Variants in ARHGAP42 observed in about 807,000 individuals in gnomAD.
ARHGAP42 encodes the protein Rho GTPase activating protein 42.
ARHGAP42 carries 63 observed loss-of-function variants against 125.0 expected under a neutral mutation model. That is an observed-to-expected ratio of 0.50 (90% confidence interval 0.41 to 0.62). The LOEUF (loss-of-function observed/expected upper bound fraction) is 0.62. Ranked by LOEUF, ARHGAP42 falls within the 20% of genes least tolerant of loss-of-function variation. The pLI is 0.00. For missense variants in ARHGAP42, 766 were observed against 1,024.2 expected, an observed-to-expected ratio of 0.75 and a Z score of 3.44; for synonymous variants, 339 against 351.0, an observed-to-expected ratio of 0.97 and a Z score of 0.38.
chr11:100,828,392 T>C (rs939186300), intron 3 of ARHGAP42, among the ~76,000 whole-genome samples: 1 of 152,182 alleles, frequency 6.6e-6, no homozygotes, highest in Non-Finnish European at 1.5e-5. Flanking sequence ...ATACATGCTG[T>C]GCTCACCCCT....
At chr11:100,842,395 A>G (rs1010904921) in intron 3 of ARHGAP42, among the ~76,000 whole-genome samples, 3 of 152,148 alleles carry the variant, frequency 2.0e-5, no homozygotes, top group African/African-American at 7.2e-5. Context: ...CACCAGTCCA[A>G]TTACTTCTCT....
chr11:100,962,326 C>G, intron 15 of ARHGAP42, 83 bp from the exon 16 acceptor site: 1 of 1,071,940 alleles, frequency 9.3e-7, no homozygotes. Context: ...TAACAGTCAC[C>G]TAATTCTTAA....
chr11:100,786,702 T>G (rs527545602), intron 2 of ARHGAP42, among the ~76,000 whole-genome samples: 1 of 152,328 alleles, frequency 6.6e-6, no homozygotes, highest in South Asian at 2.1e-4. Flanking sequence ...ACTGTGACTT[T>G]CACCCTGGAG....
At chr11:100,738,247 C>G (rs1361831507) in intron 1 of ARHGAP42, among the ~76,000 whole-genome samples, 2 of 152,148 alleles carry the variant, frequency 1.3e-5, no homozygotes, top group Non-Finnish European at 2.9e-5. Context: ...TATGTTTTCT[C>G]TCTTCATCTT....
chr11:100,697,709 C>G (rs1034084723), intron 1 of ARHGAP42, among the ~76,000 whole-genome samples: 2 of 152,150 alleles, frequency 1.3e-5, no homozygotes, highest in Non-Finnish European at 2.9e-5. Flanking sequence ...AGTGATAAGG[C>G]ACTAATAGAA....
At chr11:100,813,191 T>C (rs926431294) in intron 3 of ARHGAP42, among the ~76,000 whole-genome samples, 1 of 152,174 alleles carries the variant, frequency 6.6e-6, no homozygotes, top group Non-Finnish European at 1.5e-5. Context: ...GCACTGTTGA[T>C]ATTTTGGAAC....
intron 1 of ARHGAP42, among the ~76,000 whole-genome samples, chr11:100,750,444 G>A (rs1172911991): frequency 6.7e-6 from 1 of 149,962 alleles, no homozygotes; most frequent in Non-Finnish European, 1.5e-5. Context: ...GCAGGAAATC[G>A]GAATGAGTCA....
At chr11:100,693,856 G>C (rs1389527804) in intron 1 of ARHGAP42, among the ~76,000 whole-genome samples, 1 of 152,014 alleles carries the variant, frequency 6.6e-6, no homozygotes, top group Non-Finnish European at 1.5e-5. Context: ...AGTGCTGATT[G>C]TGTTAATGAT....
In ARHGAP42 at chr11:100,875,101, CTCTCTCTGTGTGTGTGTG is replaced by C. The variant is rs1407972324; in HGVS notation, c.384+15478_384+15495del. ...TCTCTCTCTCTCTCTCTCTCTCTCT[CTCTCTCTGTGTGTGTGTG>C]TGTGTGTGTGTGTGTGTGTGTGTGT... On this transcript the variant is annotated intron_variant, in intron 4 of 23. Transcript: ENST00000298815. Among the ~76,000 whole-genome samples, 4 of 93,406 alleles carry C rather than the reference CTCTCTCTGTGTGTGTGTG, an allele frequency of 4.3e-5. No individual in the cohort carries two copies. In the South Asian group the frequency reaches 1.1e-3, roughly 27 times the overall value. The allele number at this position is 93,406 out of a possible 152,430, so 61.3% of individuals were successfully genotyped here.
intron 3 of ARHGAP42, among the ~76,000 whole-genome samples, chr11:100,829,057 C>T (rs1398851255): frequency 6.6e-6 from 1 of 152,182 alleles, no homozygotes; most frequent in African/African-American, 2.4e-5. Flanking sequence ...AAGGTGATGC[C>T]TCCAGGAGTG....
In ARHGAP42 at chr11:100,936,433, T is replaced by G. The variant is rs1052539720; in HGVS notation, c.832+101T>G. 15 of 1,434,724 alleles carry G rather than the reference T, an allele frequency of 1.0e-5. No individual in the cohort carries two copies. The East Asian group carries it at 3.8e-4, about 36-fold the overall frequency. The allele number at this position is 1,434,724 out of a possible 1,614,324, so 88.9% of individuals were successfully genotyped here. A position where few individuals can be genotyped will look rare whatever the true frequency, so the allele number is the denominator to read the frequency against. On this transcript the variant is annotated intron_variant, in intron 8 of 23. Coordinates refer to ENST00000298815, the MANE Select transcript of ARHGAP42 (RefSeq NM_152432.4). ...TTCCTTCAAGTAGGAGGACTGAAAT[T>G]TCTTATAGCTTTATATCTACTTTCC... is the stretch of plus-strand genomic sequence containing the variant.
intron 1 of ARHGAP42, among the ~76,000 whole-genome samples, chr11:100,696,035 G>A (rs1861276106): frequency 6.6e-6 from 1 of 152,080 alleles, no homozygotes; most frequent in African/African-American, 2.4e-5. Flanking sequence ...ACCAGCCTGG[G>A]CAACATGACG....
At chr11:100,919,248 G>A (rs182791629) in intron 5 of ARHGAP42, among the ~76,000 whole-genome samples, 7 of 152,240 alleles carry the variant, frequency 4.6e-5, no homozygotes, top group Admixed American at 2.6e-4. Flanking sequence ...TTCCTGGCAC[G>A]TACCCAAATT....
At chr11:100,939,196 A>T (rs1321982013) in intron 8 of ARHGAP42, among the ~76,000 whole-genome samples, 1 of 152,122 alleles carries the variant, frequency 6.6e-6, no homozygotes, top group Non-Finnish European at 1.5e-5. Context: ...CTATATTGGG[A>T]TTCCATGCCT....
intron 10 of ARHGAP42, among the ~76,000 whole-genome samples, chr11:100,946,929 TC>T (rs1383440613): frequency 6.6e-6 from 1 of 151,214 alleles, no homozygotes; most frequent in African/African-American, 2.4e-5. Flanking sequence ...CAAAGCTCAA[TC>T]AAGCAAAGAG....
rs1858835023 is a variant in ARHGAP42, at chr11:100,991,691, A to G, written c.*2890A>G. On this transcript the variant is annotated 3_prime_UTR_variant, in exon 24 of 24. Coordinates refer to ENST00000298815, the MANE Select transcript of ARHGAP42 (RefSeq NM_152432.4). The stretch of plus-strand genomic sequence containing the variant: ...GTTATGTGTAAATGTCTGAACAGTA[A>G]AATCATCTGTGTATTCCTGTAACAT... 1 of 152,164 alleles carries G rather than the reference A, an allele frequency of 6.6e-6. No individual in the cohort carries two copies. The allele number at this position is 152,164 out of a possible 1,614,324, so 9.4% of individuals were successfully genotyped here.
intron 4 of ARHGAP42, among the ~76,000 whole-genome samples, chr11:100,899,725 T>TGG (rs1866482759): frequency 1.3e-5 from 1 of 77,952 alleles, no homozygotes; most frequent in Admixed American, 1.2e-4. Context: ...GTGTTTTGTT[T>TGG]TTTTTTTTGT....
intron 23 of ARHGAP42, among the ~76,000 whole-genome samples, chr11:100,988,051 C>T (rs1392167476): frequency 6.6e-6 from 1 of 152,114 alleles, no homozygotes; most frequent in Non-Finnish European, 1.5e-5. Flanking sequence ...TGGCTTGAAC[C>T]AGGGAGGCGG....
rs557559034 is a variant in ARHGAP42 at position 100,926,833 on chromosome 11, T to C, written c.597+5229T>C. Among the ~76,000 whole-genome samples, 5 of 152,364 alleles carry C rather than the reference T, an allele frequency of 3.3e-5. No individual in the cohort carries two copies. The East Asian group carries it at 9.6e-4, about 29-fold the overall frequency. On this transcript the variant is annotated intron_variant, in intron 6 of 23. Coordinates refer to ENST00000298815, the MANE Select transcript of ARHGAP42 (RefSeq NM_152432.4). Reference sequence around the variant, plus strand: ...AACATTTATGAATCCCTTTGTTAGTTGTGGCTTTAAAGCCCTGTGTGGCTT... The same window carrying C: ...AACATTTATGAATCCCTTTGTTAGTCGTGGCTTTAAAGCCCTGTGTGGCTT...
Sources: gnomAD v4.1 joint callset for allele counts (sites outside exome capture counted in the v4.1 genomes callset) on GRCh38, gnomAD v4.1.1 for gene constraint, MANE v1.5 for transcripts, NCBI Gene and HGNC (gene_info 2026-07-23, HGNC 2026-07-21) for gene names.